Variants in LMOD1 observed in about 807,000 individuals in gnomAD.
LMOD1 encodes leiomodin 1.
In LMOD1, 8 loss-of-function variants were observed where a neutral mutation model predicts 36.5. The ratio of observed to expected loss-of-function variants is 0.22; its 90% CI spans 0.13 to 0.40. The LOEUF is 0.40. LMOD1 is among the 10% of genes least tolerant of loss of function. The pLI, the probability that LMOD1 is intolerant of heterozygous loss-of-function variation, is 1.00. For synonymous variants in LMOD1, 284 were observed against 288.7 expected (o/e 0.98, Z 0.17); for missense variants, 630 against 751.1 (o/e 0.84, Z 1.88).
chr1:201,918,115 G>A (rs1681640006), intron 1 of LMOD1, among the ~76,000 whole-genome samples: 1 of 152,246 alleles, frequency 6.6e-6, no homozygotes, highest in African/African-American at 2.4e-5. Flanking sequence ...CCAGGGATCA[G>A]GGATGGTGCA....
At chr1:201,923,883 A>AAGAG (rs137961777) in intron 1 of LMOD1, among the ~76,000 whole-genome samples, 67 of 140,400 alleles carry the variant, frequency 4.8e-4, no homozygotes, top group Non-Finnish European at 7.4e-4. Context: ...AAAGAAGAAA[A>AAGAG]AGAGAGAGAG....
intron 1 of LMOD1, among the ~76,000 whole-genome samples, chr1:201,910,438 T>C (rs776435879): frequency 6.6e-6 from 1 of 152,126 alleles, no homozygotes; most frequent in African/African-American, 2.4e-5. Flanking sequence ...AACACCTGAC[T>C]AATTTTTATT....
At chr1:201,910,472 A>G (rs763431609) in intron 1 of LMOD1, among the ~76,000 whole-genome samples, 27 of 151,844 alleles carry the variant, frequency 1.8e-4, no homozygotes, top group Non-Finnish European at 3.7e-4. Context: ...TTTTCCAGAG[A>G]TGCATTTCAC....
chr1:201,912,329 A>G (rs550166466), intron 1 of LMOD1, among the ~76,000 whole-genome samples: 1 of 152,118 alleles, frequency 6.6e-6, no homozygotes, highest in Non-Finnish European at 1.5e-5. Context: ...CAATGTCAGC[A>G]TCAAGCATGG....
chr1:201,900,854 C>G, intron 1 of LMOD1, 103 bp from the exon 2 acceptor site: 2 of 986,918 alleles, frequency 2.0e-6, no homozygotes, highest in South Asian at 3.5e-5. Context: ...TGCCCTTGAG[C>G]CTCTGAAGGA....
At chr1:201,903,137 G>A (rs75953033) in intron 1 of LMOD1, among the ~76,000 whole-genome samples, 9 of 152,292 alleles carry the variant, frequency 5.9e-5, no homozygotes, top group African/African-American at 2.2e-4. Context: ...TTCAACCTCC[G>A]CTCTTCGCCG....
In LMOD1 at chr1:201,896,772, A is replaced by G. The variant is rs1681202040; in HGVS notation, c.*1600T>C. 1 of 453,978 alleles carries G rather than the reference A, an allele frequency of 2.2e-6. No individual in the cohort carries two copies. Among genetic ancestry groups the G allele is most frequent in the South Asian group, 1.6e-5 (1 of 64,464 alleles). The allele number at this position is 453,978 out of a possible 1,614,324, so 28.1% of individuals were successfully genotyped here. A position where few individuals can be genotyped will look rare whatever the true frequency, so the allele number is the denominator to read the frequency against. ...GCTTAGGTGACTGGGGTGACAGGCAAGTGGGTGGAGGGAATGGAGAAGAGT... is the reference window on the plus strand; with the variant it reads ...GCTTAGGTGACTGGGGTGACAGGCAGGTGGGTGGAGGGAATGGAGAAGAGT... On this transcript the variant is annotated 3_prime_UTR_variant, in exon 3 of 3. Transcript: ENST00000367288.
chr1:201,945,337 C>T (rs970210352), intron 1 of LMOD1, among the ~76,000 whole-genome samples: 1 of 152,188 alleles, frequency 6.6e-6, no homozygotes, highest in African/African-American at 2.4e-5. Flanking sequence ...CTATCTTCAA[C>T]CCCCAGCAAA....
chr1:201,929,177 A>G (rs1375965088), intron 1 of LMOD1, among the ~76,000 whole-genome samples: 1 of 151,900 alleles, frequency 6.6e-6, no homozygotes, highest in Non-Finnish European at 1.5e-5. Context: ...ATCTTGGCTC[A>G]CTGCAACCTC....
At chr1:201,936,096 C>T (rs1198438132) in intron 1 of LMOD1, among the ~76,000 whole-genome samples, 1 of 73,096 alleles carries the variant, frequency 1.4e-5, no homozygotes, top group South Asian at 4.5e-4. Context: ...GACCTTGTCT[C>T]AAAAAAAAAA....
chr1:201,924,187 G>A (rs1414979317), intron 1 of LMOD1, among the ~76,000 whole-genome samples: 10 of 151,062 alleles, frequency 6.6e-5, no homozygotes, highest in Admixed American at 1.3e-4. Flanking sequence ...AGCCGGGAGC[G>A]GTGGCGGGCA....
chr1:201,920,871 AAAAT>A lies in LMOD1; in HGVS notation c.262-20124_262-20121del, dbSNP rs1019310640. ...TAGTGTGACCCTGTTTCTAAAAATAAAAATAAATAAATAAATAAAAAAGTAAGAA... is the reference window on the plus strand; with the variant it reads ...TAGTGTGACCCTGTTTCTAAAAATAAAAATAAATAAATAAAAAAGTAAGAA... On this transcript the variant is annotated intron_variant, in intron 1 of 2. Coordinates refer to ENST00000367288, the MANE Select transcript of LMOD1 (RefSeq NM_012134.3). Among the ~76,000 whole-genome samples, 4 of 152,274 alleles carry A rather than the reference AAAAT, an allele frequency of 2.6e-5. No homozygotes were observed. The East Asian group carries it at 5.8e-4, about 22-fold the overall frequency.
chr1:201,927,167 G>A (rs1353525105), intron 1 of LMOD1, among the ~76,000 whole-genome samples: 1 of 152,110 alleles, frequency 6.6e-6, no homozygotes, highest in Admixed American at 6.6e-5. Context: ...TTAAGGCAAA[G>A]ATTACAGAGA....
rs1365640257 is a variant in LMOD1, at chr1:201,900,813, A to G, written c.262-62T>C. On this transcript the variant is annotated intron_variant, in intron 1 of 2. Coordinates refer to ENST00000367288, the MANE Select transcript of LMOD1 (RefSeq NM_012134.3). Reference sequence around the variant, plus strand: ...TGGCTACAGAGGGAGAGGAATGAGTATGGGGATGTGTGGGGGAGCGCTTAC... The same window carrying G: ...TGGCTACAGAGGGAGAGGAATGAGTGTGGGGATGTGTGGGGGAGCGCTTAC... The G allele has an allele frequency of 3.5e-6, 5 of 1,441,780 alleles. No homozygotes were observed. In the African/African-American group the frequency reaches 7.1e-5, roughly 21 times the overall value. 89.3% of individuals were successfully genotyped at this position (1,441,780 alleles called of 1,614,324 possible).
In LMOD1 at chr1:201,898,118, AG is replaced by A. The variant is rs1681224039; in HGVS notation, c.*253del. 1 of 558,020 alleles carries A rather than the reference AG, an allele frequency of 1.8e-6. No individual in the cohort carries two copies. Among genetic ancestry groups the A allele is most frequent in the East Asian group, 3.0e-5 (1 of 33,080 alleles). The allele number at this position is 558,020 out of a possible 1,614,324, so 34.6% of individuals were successfully genotyped here. A position where few individuals can be genotyped will look rare whatever the true frequency, so the allele number is the denominator to read the frequency against. Reference sequence around the variant, plus strand: ...GCCATCTTCTCAGTGATGTGCTAAAAGGACTCTTCTTGTCCAGAAACCTGAG... The same window carrying A: ...GCCATCTTCTCAGTGATGTGCTAAAAGACTCTTCTTGTCCAGAAACCTGAG... On this transcript the variant is annotated 3_prime_UTR_variant, in exon 3 of 3. Coordinates refer to ENST00000367288, the MANE Select transcript of LMOD1 (RefSeq NM_012134.3).
rs1437660165 is a variant in LMOD1, at chr1:201,897,577, G to A, written c.*795C>T. The A allele has an allele frequency of 6.5e-6, 1 of 152,762 alleles. No homozygotes were observed. The highest frequency in any genetic ancestry group is 2.4e-5 in the African/African-American group (1 of 41,458). 9.5% of individuals were successfully genotyped at this position (152,762 alleles called of 1,614,324 possible). A position where few individuals can be genotyped will look rare whatever the true frequency, so the allele number is the denominator to read the frequency against. ...GAACCTGAGCTTCTAGAGTCCTCCA[G>A]GGAGCCCAGGGTTAGGATCAGGACT... On this transcript the variant is annotated 3_prime_UTR_variant, in exon 3 of 3. Transcript: ENST00000367288.
At chr1:201,902,847 A>G (rs1349843984) in intron 1 of LMOD1, among the ~76,000 whole-genome samples, 2 of 152,172 alleles carry the variant, frequency 1.3e-5, no homozygotes, top group East Asian at 1.9e-4. Flanking sequence ...TTTTGAGAGC[A>G]CTTGCTTCTC....
chr1:201,939,056 G>A (rs537794981), intron 1 of LMOD1, among the ~76,000 whole-genome samples: 7 of 151,968 alleles, frequency 4.6e-5, no homozygotes, highest in South Asian at 4.2e-4. Context: ...GCCAGGCAGC[G>A]AGTAATTACA....
chr1:201,900,479 T>G lies in LMOD1; in HGVS notation c.534A>C (p.Gly178=), dbSNP rs776502623. Residue 178 remains glycine (G), a synonymous_variant, in exon 2 of 3, where the codon GGA becomes GGC. Transcript: ENST00000367288. ...DKKEAGKDGR[G]EERAVATKKE... ...TCTTGGTGGCCACTGCCCTCTCCTC[T>G]CCTCTCCCATCCTTCCCTGCCTCCT... 6.2e-7 allele frequency: 1 copy of G among 1,612,954 alleles called. No individual in the cohort carries two copies. Among genetic ancestry groups the G allele is most frequent in the South Asian group, 1.1e-5 (1 of 90,918 alleles).
Sources: allele counts gnomAD v4.1 joint callset (sites outside exome capture counted in the v4.1 genomes callset), GRCh38; gene constraint gnomAD v4.1.1; transcripts MANE v1.5; gene names NCBI Gene and HGNC (gene_info 2026-07-23, HGNC 2026-07-21).